SH3GL3: variants seen among roughly 807,000 people sequenced by gnomAD.
SH3GL3 encodes the protein SH3 domain containing GRB2 like 3, endophilin A3.
In SH3GL3, 33 loss-of-function variants were observed where a neutral mutation model predicts 47.7. The observed-to-expected ratio is 0.69, with a 90% CI of 0.52 to 0.92. The LOEUF (loss-of-function observed/expected upper bound fraction) is 0.92. Ranked by LOEUF, SH3GL3 falls within the 40% of genes least tolerant of loss-of-function variation. The pLI, the probability that SH3GL3 is intolerant of heterozygous loss-of-function variation, is 0.00. For synonymous variants in SH3GL3, 155 were observed against 148.8 expected, an observed-to-expected ratio of 1.04 and a Z score of -0.30; for missense variants, 363 against 417.8, an observed-to-expected ratio of 0.87 and a Z score of 1.14.
chr15:83,475,747 C>T (rs755279315), intron 1 of SH3GL3, among the ~76,000 whole-genome samples: 4 of 152,192 alleles, frequency 2.6e-5, no homozygotes, highest in Non-Finnish European at 5.9e-5. Flanking sequence ...CTCATGACTT[C>T]GCACTTACAG....
At chr15:83,588,057 G>A (rs538773407) in intron 7 of SH3GL3, among the ~76,000 whole-genome samples, 10 of 152,326 alleles carry the variant, frequency 6.6e-5, no homozygotes, top group East Asian at 1.9e-4. Context: ...GGTGCCGACC[G>A]CGTCCCAGGC....
At chr15:83,516,730 C>A (rs1361736489) in intron 1 of SH3GL3, among the ~76,000 whole-genome samples, 4 of 152,074 alleles carry the variant, frequency 2.6e-5, no homozygotes, top group Admixed American at 2.6e-4. Flanking sequence ...ACACCTCCCA[C>A]CAGGCCCCAT....
In SH3GL3 at chr15:83,618,607, A is replaced by G. The variant is rs1245525412; in HGVS notation, c.*320A>G. ...GCCTATATTCCTCAGCTGCAATGAA[A>G]TGGTAACATTTGAAACTAAGAAATG... On this transcript the variant is annotated 3_prime_UTR_variant, in exon 9 of 9. Transcript: ENST00000427482. The G allele has an allele frequency of 7.2e-6, 2 of 279,206 alleles. No homozygotes were observed. The highest frequency in any genetic ancestry group is 2.2e-5 in the African/African-American group (1 of 46,374). 17.3% of individuals were successfully genotyped at this position (279,206 alleles called of 1,614,324 possible). A position where few individuals can be genotyped will look rare whatever the true frequency, so the allele number is the denominator to read the frequency against.
In SH3GL3 at chr15:83,589,771, A is replaced by T. The variant is rs550340828; in HGVS notation, c.838+1000A>T. Among the ~76,000 whole-genome samples the T allele has an allele frequency of 2.6e-4, 40 of 152,306 alleles. No individual in the cohort carries two copies. The East Asian group carries it at 6.6e-3, about 25-fold the overall frequency. ...CACTGTTTCTTCGAGTTATTTCCAT[A>T]TCATGCATATAGATCTATCCCACTG... On this transcript the variant is annotated intron_variant, in intron 8 of 8. Transcript: ENST00000427482.
intron 1 of SH3GL3, among the ~76,000 whole-genome samples, chr15:83,538,691 T>C (rs1015660134): frequency 1.3e-5 from 2 of 152,336 alleles, no homozygotes; most frequent in African/African-American, 2.4e-5. Context: ...TTGTTACATA[T>C]TATGGGAGCA....
intron 1 of SH3GL3, among the ~76,000 whole-genome samples, chr15:83,526,517 G>T (rs1013828429): frequency 6.6e-6 from 1 of 152,128 alleles, no homozygotes; most frequent in Non-Finnish European, 1.5e-5. Context: ...ATTTGCAGGA[G>T]CATAAATGGA....
chr15:83,493,811 G>T (rs1408387133), intron 1 of SH3GL3, among the ~76,000 whole-genome samples: 1 of 152,236 alleles, frequency 6.6e-6, no homozygotes, highest in Non-Finnish European at 1.5e-5. Context: ...AGGCCAGGTT[G>T]TGGGCCTTCT....
At chr15:83,450,759 C>CTTTT (rs11389152) in intron 1 of SH3GL3, among the ~76,000 whole-genome samples, 1 of 44,544 alleles carries the variant, frequency 2.2e-5, no homozygotes, top group Non-Finnish European at 3.8e-5. Context: ...GGATATTTTT[C>CTTTT]TTTTTTTTTT....
chr15:83,592,829 T>C (rs1026857321), intron 8 of SH3GL3, among the ~76,000 whole-genome samples: 2 of 152,216 alleles, frequency 1.3e-5, no homozygotes, highest in Non-Finnish European at 2.9e-5. Flanking sequence ...AGATGTAGGC[T>C]GGGATTAAAA....
intron 8 of SH3GL3, chr15:83,611,444 C>T (rs2060663816): frequency 6.6e-6 from 1 of 152,204 alleles, no homozygotes; most frequent in Non-Finnish European, 1.5e-5. Context: ...AAAATCAACA[C>T]AAGGCCACTT....
At chr15:83,463,407 A>G (rs9888703) in intron 1 of SH3GL3, among the ~76,000 whole-genome samples, 61,383 of 151,956 alleles carry the variant, frequency 0.4, 13,619 homozygotes, top group South Asian at 0.67. Flanking sequence ...TGTCAATAAA[A>G]GCTTCCTCTT....
At chr15:83,566,520 ATCCCAGCAC>A (rs1309742902) in intron 3 of SH3GL3, among the ~76,000 whole-genome samples, 1 of 152,192 alleles carries the variant, frequency 6.6e-6, no homozygotes, top group Non-Finnish European at 1.5e-5. Flanking sequence ...TATGCCTGTA[ATCCCAGCAC>A]TTTGGGAGGC....
At chr15:83,580,189 A>G (rs1429738622) in intron 6 of SH3GL3, among the ~76,000 whole-genome samples, 1 of 152,106 alleles carries the variant, frequency 6.6e-6, no homozygotes, top group East Asian at 1.9e-4. Flanking sequence ...TCTTGTTGCC[A>G]TGTTGCTTCC....
chr15:83,574,421 G>A (rs1344609472), intron 5 of SH3GL3, among the ~76,000 whole-genome samples: 1 of 152,104 alleles, frequency 6.6e-6, no homozygotes, highest in Non-Finnish European at 1.5e-5. Flanking sequence ...GGGCCGCAGG[G>A]TCTGTCACCT....
chr15:83,614,099 C>G (rs1411257944), intron 8 of SH3GL3, among the ~76,000 whole-genome samples: 4 of 152,094 alleles, frequency 2.6e-5, no homozygotes, highest in Admixed American at 2.0e-4. Context: ...TCAGGTTGCC[C>G]TTGGTTTTCA....
At chr15:83,461,264 C>G (rs562948101) in intron 1 of SH3GL3, among the ~76,000 whole-genome samples, 1 of 152,044 alleles carries the variant, frequency 6.6e-6, no homozygotes, top group Non-Finnish European at 1.5e-5. Context: ...TAATAAGTAG[C>G]CTTGAATACA....
At chr15:83,594,437 A>G (rs2060189103) in intron 8 of SH3GL3, among the ~76,000 whole-genome samples, 1 of 152,200 alleles carries the variant, frequency 6.6e-6, no homozygotes, top group Non-Finnish European at 1.5e-5. Flanking sequence ...ACTCTTCTAT[A>G]TTAACATTTT....
chr15:83,497,368 C>T (rs1276817498), intron 1 of SH3GL3, among the ~76,000 whole-genome samples: 1 of 152,140 alleles, frequency 6.6e-6, no homozygotes, highest in Non-Finnish European at 1.5e-5. Context: ...TACTCTGGAC[C>T]CGAGCAGCTG....
At chr15:83,550,038 T>TA (rs2044585400) in intron 1 of SH3GL3, among the ~76,000 whole-genome samples, 1 of 152,192 alleles carries the variant, frequency 6.6e-6, no homozygotes, top group African/African-American at 2.4e-5. Context: ...ATTTTAGACT[T>TA]ACAGAAAAGG....
Sources: gnomAD v4.1 joint callset for allele counts (sites outside exome capture counted in the v4.1 genomes callset) on GRCh38, gnomAD v4.1.1 for gene constraint, MANE v1.5 for transcripts, NCBI Gene and HGNC (gene_info 2026-07-23, HGNC 2026-07-21) for gene names.